Variants in AGBL1 observed in about 807,000 individuals in gnomAD.
AGBL1 encodes AGBL carboxypeptidase 1, also known as cytosolic carboxypeptidase 4.
AGBL1 carries 130 observed loss-of-function variants against 118.9 expected under a neutral mutation model. The ratio of observed to expected loss-of-function variants is 1.09; its 90% CI spans 0.95 to 1.26. The LOEUF (loss-of-function observed/expected upper bound fraction) is 1.26, where lower values mean the gene tolerates loss of function less well. AGBL1 is among the 50% of genes most tolerant of loss of function. AGBL1 has a pLI of 0.00. For missense variants in AGBL1, 1,584 were observed against 1,298.1 expected (o/e 1.22, Z -3.38); for synonymous variants, 555 against 478.9 (o/e 1.16, Z -2.08).
intron 3 of AGBL1, among the ~76,000 whole-genome samples, chr15:86,153,651 A>C (rs1214997435): frequency 6.6e-6 from 1 of 152,184 alleles, no homozygotes; most frequent in Non-Finnish European, 1.5e-5. Flanking sequence ...TAGAACTTAA[A>C]TTATTTTTTA....
At chr15:86,591,486 A>G (rs1360144895) in intron 21 of AGBL1, among the ~76,000 whole-genome samples, 1 of 152,214 alleles carries the variant, frequency 6.6e-6, no homozygotes, top group Non-Finnish European at 1.5e-5. Flanking sequence ...TGGGGTTCCC[A>G]TGATTACCTC....
chr15:86,262,827 T>G lies in AGBL1; in HGVS notation c.1019T>G (p.Leu340Arg), dbSNP rs2079014273. ...DVNKLSSKPGLDRPEEELMQY... is the reference protein window; with the variant it reads ...DVNKLSSKPGRDRPEEELMQY... ...AACAAGCTGAGTTCCAAACCTGGTC[T>G]TGACCGACCTGAAGAGGAACTGATG... Residue 340 changes from leucine to arginine, a missense_variant, in exon 10 of 23, where the codon CTT becomes CGT. Leu to Arg is a moderately radical substitution (Grantham distance 102). Transcript: ENST00000614907. 3 of 1,611,320 alleles carry G rather than the reference T, an allele frequency of 1.9e-6. No individual in the cohort carries two copies. The highest frequency in any genetic ancestry group is 1.7e-5 in the Admixed American group (1 of 59,732).
chr15:86,903,016 G>A (rs1157254678), intron 22 of AGBL1, among the ~76,000 whole-genome samples: 1 of 151,992 alleles, frequency 6.6e-6, no homozygotes, highest in Admixed American at 6.6e-5. Context: ...CTTCTTTTGG[G>A]ACAATGGTGA....
chr15:86,407,289 G>A (rs967625461), intron 18 of AGBL1, among the ~76,000 whole-genome samples: 1 of 152,166 alleles, frequency 6.6e-6, no homozygotes, highest in Non-Finnish European at 1.5e-5. Context: ...TCAGTCCCGT[G>A]TCTAATAAGT....
intron 24 of AGBL1, among the ~76,000 whole-genome samples, chr15:86,999,488 T>C (rs1219469316): frequency 2.0e-5 from 3 of 146,820 alleles, no homozygotes; most frequent in South Asian, 4.2e-4. Flanking sequence ...TTTTTGTTCT[T>C]GTGATACTTT....
At chr15:86,226,814 C>T (rs942645372) in intron 6 of AGBL1, among the ~76,000 whole-genome samples, 1 of 152,136 alleles carries the variant, frequency 6.6e-6, no homozygotes, top group African/African-American at 2.4e-5. Context: ...CTCTGACTAC[C>T]ACAACTTGGA....
chr15:86,213,789 A>C (rs7171491), intron 5 of AGBL1, among the ~76,000 whole-genome samples: 93,732 of 151,880 alleles, frequency 0.62, 29,166 homozygotes, highest in South Asian at 0.78. Context: ...GCCGTTTAAA[A>C]CCTTTTAAAG....
intron 18 of AGBL1, among the ~76,000 whole-genome samples, chr15:86,472,650 G>A (rs1031997465): frequency 6.6e-6 from 1 of 152,198 alleles, no homozygotes; most frequent in Non-Finnish European, 1.5e-5. Context: ...TGGGCGCCAC[G>A]GCTCACGCCT....
chr15:86,827,332 T>C (rs1186434020), intron 22 of AGBL1, among the ~76,000 whole-genome samples: 2,396 of 12,582 alleles, frequency 0.19, 862 homozygotes, highest in East Asian at 0.72. Flanking sequence ...CACATATATA[T>C]ATATATGTGT....
At chr15:86,112,334 T>G (rs8031747) in intron 1 of AGBL1, among the ~76,000 whole-genome samples, 5,110 of 152,218 alleles carry the variant, frequency 0.034, 113 homozygotes, top group African/African-American at 0.043. Context: ...TTCTTTGCAT[T>G]TATCCGTTTA....
At chr15:86,665,097 C>A (rs1171114053) in intron 21 of AGBL1, among the ~76,000 whole-genome samples, 2 of 152,096 alleles carry the variant, frequency 1.3e-5, no homozygotes, top group Non-Finnish European at 2.9e-5. Flanking sequence ...ATACTATAGT[C>A]AATTATACTT....
chr15:86,224,824 G>A, intron 5 of AGBL1, 90 bp from the exon 6 acceptor site: 1 of 1,226,154 alleles, frequency 8.2e-7, no homozygotes, highest in Non-Finnish European at 1.2e-6. Flanking sequence ...GTCTGTTATG[G>A]GGTGGCAATG....
chr15:86,837,106 G>A (rs1365907045), intron 22 of AGBL1, among the ~76,000 whole-genome samples: 1 of 152,000 alleles, frequency 6.6e-6, no homozygotes, highest in Admixed American at 6.6e-5. Context: ...ATGAATGAAT[G>A]CATGAAACTA....
intron 18 of AGBL1, among the ~76,000 whole-genome samples, chr15:86,447,235 G>A (rs1343407336): frequency 2.0e-5 from 3 of 152,156 alleles, no homozygotes; most frequent in Non-Finnish European, 4.4e-5. Context: ...ATCCACATTT[G>A]TACCATTCAG....
At chr15:87,028,947 A>G (rs2141816764) in exon 25 of AGBL1, 5 of 1,313,550 alleles carry the variant, frequency 3.8e-6, no homozygotes, top group South Asian at 1.2e-5. Context: ...TACATGTCTT[A>G]TGGAAAATGT....
downstream of AGBL1, among the ~76,000 whole-genome samples, chr15:87,029,681 G>T (rs1267733453): frequency 6.6e-6 from 1 of 151,886 alleles, no homozygotes; most frequent in Non-Finnish European, 1.5e-5. Context: ...AGTCTGTAGG[G>T]AAACAAGAAT....
chr15:86,107,303 T>C (rs563187477), intron 1 of AGBL1, among the ~76,000 whole-genome samples: 6 of 152,384 alleles, frequency 3.9e-5, no homozygotes, highest in East Asian at 3.9e-4. Context: ...AATTTTCATA[T>C]GTAGTGGCCA....
At chr15:86,856,870 G>A (rs2079489855) in intron 22 of AGBL1, among the ~76,000 whole-genome samples, 1 of 152,182 alleles carries the variant, frequency 6.6e-6, no homozygotes, top group African/African-American at 2.4e-5. Context: ...TGCAAATGAA[G>A]CAAATGAGCT....
intron 22 of AGBL1, among the ~76,000 whole-genome samples, chr15:86,789,619 C>G (rs1007430494): frequency 6.6e-6 from 1 of 152,166 alleles, no homozygotes; most frequent in Non-Finnish European, 1.5e-5. Context: ...CCAGCCCCGG[C>G]CAACCTGGAT....
Sources: allele counts gnomAD v4.1 joint callset (sites outside exome capture counted in the v4.1 genomes callset), GRCh38; gene constraint gnomAD v4.1.1; transcripts MANE v1.5; gene names NCBI Gene and HGNC (gene_info 2026-07-23, HGNC 2026-07-21).